The following EDA variants were observed in gnomAD, a reference collection of about 807,000 sequenced individuals.
EDA encodes the protein ectodysplasin-A.
EDA carries 2 observed loss-of-function variants against 23.6 expected under a neutral mutation model. That is an observed-to-expected ratio of 0.08 (90% confidence interval 0.03 to 0.27). The LOEUF (loss-of-function observed/expected upper bound fraction) is 0.27. Among genes scored for constraint, EDA ranks in the 10% least tolerant of loss-of-function variants. The pLI, the probability that EDA is intolerant of heterozygous loss-of-function variation, is 1.00. For synonymous variants in EDA, 131 were observed against 132.0 expected, an observed-to-expected ratio of 0.99 and a Z score of 0.05; for missense variants, 229 against 324.2, an observed-to-expected ratio of 0.71 and a Z score of 2.26.
At chrX:69,802,928 T>C (rs986876759) in intron 1 of EDA, among the ~76,000 whole-genome samples, 2 of 111,812 alleles carry the variant, frequency 1.8e-5, no homozygotes, top group African/African-American at 6.5e-5. Context: ...TACCAAAATA[T>C]AGACAGACAG....
chrX:69,706,210 A>T (rs886148432), intron 1 of EDA, among the ~76,000 whole-genome samples: 2 of 111,840 alleles, frequency 1.8e-5, no homozygotes, highest in Admixed American at 9.5e-5. Flanking sequence ...CCATTAATGC[A>T]TAGGGCAGAC....
intron 1 of EDA, among the ~76,000 whole-genome samples, chrX:69,941,071 G>A (rs2018750946): frequency 1.8e-5 from 2 of 111,430 alleles, no homozygotes; most frequent in African/African-American, 6.5e-5. Context: ...CCATGTGTTT[G>A]TATAATGTCC....
intron 1 of EDA, among the ~76,000 whole-genome samples, chrX:69,891,349 G>C (rs929896662): frequency 8.9e-6 from 1 of 111,897 alleles, no homozygotes; most frequent in Non-Finnish European, 1.9e-5. Flanking sequence ...CCTAAGGACA[G>C]AAATACCATT....
chrX:69,730,726 G>T (rs890925825), intron 1 of EDA, among the ~76,000 whole-genome samples: 1 of 111,817 alleles, frequency 8.9e-6, no homozygotes, highest in Non-Finnish European at 1.9e-5. Context: ...ATTGCTCAGT[G>T]CTGTGCTTTA....
At chrX:69,676,905 G>C (rs987362455) in intron 1 of EDA, among the ~76,000 whole-genome samples, 16 of 105,653 alleles carry the variant, frequency 1.5e-4, no homozygotes, top group African/African-American at 5.2e-4. Context: ...GTATACATGT[G>C]CCATGCTGGT....
intron 1 of EDA, among the ~76,000 whole-genome samples, chrX:69,741,078 G>A (rs774197737): frequency 5.5e-5 from 6 of 108,841 alleles, no homozygotes; most frequent in South Asian, 3.8e-4. Context: ...TATTTGATGC[G>A]GCATTGTTAT....
At chrX:69,649,939 T>C (rs1933049321) in intron 1 of EDA, among the ~76,000 whole-genome samples, 1 of 111,947 alleles carries the variant, frequency 8.9e-6, no homozygotes, top group Non-Finnish European at 1.9e-5. Flanking sequence ...CTCAGGGAAA[T>C]TCTTTAAACC....
intron 1 of EDA, among the ~76,000 whole-genome samples, chrX:69,911,507 T>G (rs903284895): frequency 4.5e-5 from 5 of 112,281 alleles, no homozygotes; most frequent in South Asian, 3.7e-4. Context: ...ATCTGTATGC[T>G]TGTTTTATTC....
In EDA at chrX:69,980,975, T is replaced by C. The variant is rs2019397096; in HGVS notation, c.502+23843T>C. ...TTTCTTGCCTGAGCCTTGGGCAGGC[T>C]GGGCTTTCTGTAGAGCTACTTGACT... is the stretch of plus-strand genomic sequence containing the variant. On this transcript the variant is annotated intron_variant, in intron 2 of 7. Coordinates refer to ENST00000374552, the MANE Select transcript of EDA (RefSeq NM_001399.5). Among the ~76,000 whole-genome samples, 3 of 112,335 alleles carry C rather than the reference T, an allele frequency of 2.7e-5. No individual in the cohort carries two copies. The South Asian group carries it at 1.1e-3, about 42-fold the overall frequency.
chrX:69,988,171 C>G (rs1338939957), intron 2 of EDA, among the ~76,000 whole-genome samples: 1 of 111,758 alleles, frequency 8.9e-6, no homozygotes, highest in Non-Finnish European at 1.9e-5. Context: ...TTCACGTGTC[C>G]TCACTTATTT....
chrX:69,784,899 C>G (rs766782593), intron 1 of EDA, among the ~76,000 whole-genome samples: 33 of 111,053 alleles, frequency 3.0e-4, no homozygotes, highest in African/African-American at 1.1e-3. Context: ...GCCATTTTCA[C>G]GATATTGATT....
chrX:70,029,284 C>T (rs2020166071), intron 4 of EDA, among the ~76,000 whole-genome samples: 2 of 112,275 alleles, frequency 1.8e-5, no homozygotes, highest in South Asian at 7.4e-4. Context: ...AGGCAATACT[C>T]AGAAGTTTCC....
At position 69,640,728 on chromosome X, in the gene EDA, A is replaced by G. The variant is rs1932830842; in HGVS notation, c.396+24024A>G. Reference sequence around the variant, plus strand: ...GAGAGCAGATATTTAGGCATTTGGTAGGCAGCTCTTTAGGTCTGAAAGGAA... The same window carrying G: ...GAGAGCAGATATTTAGGCATTTGGTGGGCAGCTCTTTAGGTCTGAAAGGAA... On this transcript the variant is annotated intron_variant, in intron 1 of 7. Coordinates refer to ENST00000374552, the MANE Select transcript of EDA (RefSeq NM_001399.5). Among the ~76,000 whole-genome samples, 3 of 111,327 alleles carry G rather than the reference A, an allele frequency of 2.7e-5. 1 individual carries two copies. The South Asian group carries it at 1.2e-3, about 43-fold the overall frequency.
intron 1 of EDA, among the ~76,000 whole-genome samples, chrX:69,894,746 A>G (rs977498691): frequency 6.3e-5 from 7 of 111,655 alleles, no homozygotes; most frequent in Non-Finnish European, 1.1e-4. Context: ...CGATTTTTGT[A>G]CCTTGATGTT....
At chrX:69,887,753 G>A (rs2017851258) in intron 1 of EDA, among the ~76,000 whole-genome samples, 1 of 111,711 alleles carries the variant, frequency 9.0e-6, no homozygotes, top group Non-Finnish European at 1.9e-5. Context: ...TGCAAGCCAG[G>A]AGGGAGTAGG....
chrX:69,679,674 T>C (rs1934255949), intron 1 of EDA, among the ~76,000 whole-genome samples: 2 of 111,919 alleles, frequency 1.8e-5, no homozygotes, highest in African/African-American at 6.5e-5. Flanking sequence ...ATATCCTCTT[T>C]ATCATTTTTT....
At chrX:69,908,626 G>GATAT (rs1385171278) in intron 1 of EDA, among the ~76,000 whole-genome samples, 8 of 109,535 alleles carry the variant, frequency 7.3e-5, no homozygotes, top group African/African-American at 2.7e-4. Context: ...TTTTACTTAG[G>GATAT]GGCTGAAAAC....
In EDA at chrX:69,708,263, A is replaced by G. The variant is rs140956615; in HGVS notation, c.396+91559A>G. Among the ~76,000 whole-genome samples, 675 of 112,175 alleles carry G rather than the reference A, an allele frequency of 6.0e-3. 4 individuals carry two copies. The highest frequency in any genetic ancestry group is 0.01 in the South Asian group (27 of 2,683). On this transcript the variant is annotated intron_variant, in intron 1 of 7. Transcript: ENST00000374552. ...CGAAAAACTGAGTGCCCTAAGAGAG[A>G]CAGCTTGATTGGTTACAGCTCTGCC...
intron 1 of EDA, among the ~76,000 whole-genome samples, chrX:69,886,520 C>G (rs916079755): frequency 1.8e-5 from 2 of 110,320 alleles, no homozygotes; most frequent in African/African-American, 6.8e-5. Flanking sequence ...CAGCTGCAGA[C>G]TACAGTAGTA....
Sources: gnomAD v4.1 joint callset for allele counts (sites outside exome capture counted in the v4.1 genomes callset) on GRCh38, gnomAD v4.1.1 for gene constraint, MANE v1.5 for transcripts, NCBI Gene and HGNC (gene_info 2026-07-23, HGNC 2026-07-21) for gene names.